Variants in ALS2CL observed in about 807,000 individuals in gnomAD.
The protein encoded by ALS2CL is ALS2 C-terminal like.
ALS2CL carries 112 observed loss-of-function variants against 127.9 expected under a neutral mutation model. That is an observed-to-expected ratio of 0.88 (90% confidence interval 0.75 to 1.02). ALS2CL has a LOEUF of 1.02. Ranked by LOEUF, ALS2CL falls within the 50% of genes least tolerant of loss-of-function variation. The pLI is 0.00. For missense variants in ALS2CL, 1,174 were observed against 1,236.7 expected, an observed-to-expected ratio of 0.95 and a Z score of 0.76; for synonymous variants, 519 against 527.6, an observed-to-expected ratio of 0.98 and a Z score of 0.22.
At chr3:46,673,414 C>T in intron 21 of ALS2CL, 33 bp from the exon 22 acceptor site, 1 of 1,552,766 alleles carries the variant, frequency 6.4e-7, no homozygotes, top group Non-Finnish European at 8.7e-7. Flanking sequence ...GGAGGCTCTG[C>T]CTCGACAAGG....
At chr3:46,685,104 C>T (rs1273671510) in intron 7 of ALS2CL, among the ~76,000 whole-genome samples, 1 of 152,192 alleles carries the variant, frequency 6.6e-6, no homozygotes, top group East Asian at 1.9e-4. Context: ...TCTCTAGAAG[C>T]CTTCTCATCC....
chr3:46,688,216 C>T lies in ALS2CL; in HGVS notation c.184G>A (p.Glu62Lys). Residue 62 changes from glutamate (E) to lysine (K), a missense_variant, in exon 3 of 26, where the codon GAG becomes AAG. By Grantham distance (56) the Glu-to-Lys change is moderately conservative. Coordinates refer to ENST00000318962, the MANE Select transcript of ALS2CL (RefSeq NM_147129.5). ...GAGTGCAGGCTTTCCTCCGTCACCT[C>T]CCAGAGTTGCTGGGAGCTCTTGTGC... ...QLHKSSQQLW[E>K]VTEESLHSLQ... The T allele has an allele frequency of 6.2e-7, 1 of 1,613,080 alleles. No individual in the cohort carries two copies. The highest frequency in any genetic ancestry group is 8.5e-7 in the Non-Finnish European group (1 of 1,180,012).
intron 1 of ALS2CL, among the ~76,000 whole-genome samples, chr3:46,691,372 G>A (rs758408103): frequency 1.3e-5 from 2 of 152,224 alleles, no homozygotes; most frequent in East Asian, 3.9e-4. Context: ...ATCAGTGCAC[G>A]TTGAAAAGAT....
chr3:46,675,385 T>C (rs971332461), intron 20 of ALS2CL: 2 of 531,928 alleles, frequency 3.8e-6, no homozygotes, highest in African/African-American at 3.8e-5. Flanking sequence ...GGATCATACA[T>C]TTAGAACAAA....
intron 7 of ALS2CL, among the ~76,000 whole-genome samples, chr3:46,684,992 A>G (rs1167165320): frequency 2.0e-5 from 3 of 152,092 alleles, no homozygotes; most frequent in African/African-American, 7.2e-5. Flanking sequence ...TGGATGAACC[A>G]CAGTTGGTGA....
rs371656248 is a variant in ALS2CL at position 46,679,261 on chromosome 3, G to A, written c.1575C>T (p.Asp525=). The change falls in exon 15 of 26, where the codon GAC becomes GAT. Residue 525 remains aspartate (D), a synonymous_variant. Transcript: ENST00000318962. ...TGAAGGTGCCCTCATACAGGGAGTC[G>A]TCTTCAGAGAGGAGGATGCCCGGGC... ...TVGPGILLSE[D]DSLYEGTFTR... The A allele has an allele frequency of 2.5e-5, 39 of 1,589,044 alleles. No individual in the cohort carries two copies. Among genetic ancestry groups the A allele is most frequent in the Middle Eastern group, 1.7e-4 (1 of 6,000 alleles).
chr3:46,676,466 C>T (rs1159381224), intron 18 of ALS2CL, 64 bp from the exon 19 acceptor site: 39 of 1,603,090 alleles, frequency 2.4e-5, no homozygotes, highest in Non-Finnish European at 3.2e-5. Flanking sequence ...AGCATGCCCA[C>T]ACCAGCCTCC....
Position 46,681,055 on chromosome 3 carries a change from G to A in ALS2CL, c.1436+191C>T, listed in dbSNP as rs537538809. Reference sequence around the variant, plus strand: ...ATGAGGAGGGGTGAGGGGCGGGGGCGACCCTGCAGTCAGCGTGACCAAGAT... The same window carrying A: ...ATGAGGAGGGGTGAGGGGCGGGGGCAACCCTGCAGTCAGCGTGACCAAGAT... On this transcript the variant is annotated intron_variant, in intron 13 of 25. Coordinates refer to ENST00000318962, the MANE Select transcript of ALS2CL (RefSeq NM_147129.5). This position sits in a 1 kb window ranked among gnomAD's most constrained non-coding sequence, Gnocchi z 4.9. 250 of 897,510 alleles carry A rather than the reference G, an allele frequency of 2.8e-4. 2 individuals are homozygous for A. The South Asian group carries it at 3.5e-3, about 13-fold the overall frequency. The allele number at this position is 897,510 out of a possible 1,614,324, so 55.6% of individuals were successfully genotyped here. A position where few individuals can be genotyped will look rare whatever the true frequency, so the allele number is the denominator to read the frequency against.
chr3:46,671,834 G>C (rs753898140), intron 24 of ALS2CL, 50 bp downstream of exon 24: 2 of 1,607,328 alleles, frequency 1.2e-6, no homozygotes, highest in Non-Finnish European at 1.7e-6. Context: ...ATCGTGGTTG[G>C]GGGTGGGACC....
rs750323327 is a variant in ALS2CL, at chr3:46,687,127, C to T, written c.390G>A (p.Arg130=). 2 of 1,527,724 alleles carry T rather than the reference C, an allele frequency of 1.3e-6. No homozygotes were observed. The highest frequency in any genetic ancestry group is 2.5e-5 in the South Asian group (2 of 80,098). 94.6% of individuals were successfully genotyped at this position (1,527,724 alleles called of 1,614,324 possible). The change falls in exon 5 of 26, where the codon CGG becomes CGA. Residue 130 remains arginine, a synonymous_variant. Transcript: ENST00000318962. ...KRRSEYWRGQ[R]KALRQLLSGV... ...CTGAAAGCAGCTGCCGCAGCGCCTT[C>T]CGCTGGCCCCGCCAGTACTCGCTGC...
At chr3:46,671,099 C>T in intron 25 of ALS2CL, 35 bp from the exon 26 acceptor site, 1 of 1,587,888 alleles carries the variant, frequency 6.3e-7, no homozygotes, top group Non-Finnish European at 8.6e-7. Context: ...GGCCAGTTGA[C>T]CTGCCTGATC....
chr3:46,683,051 A>G (rs1376291560), intron 10 of ALS2CL, 79 bp downstream of exon 10: 11 of 1,385,474 alleles, frequency 7.9e-6, no homozygotes, highest in Non-Finnish European at 1.1e-5. Context: ...GTCCTGAGAC[A>G]ATTAGGCTTG....
At chr3:46,675,236 G>A in intron 20 of ALS2CL, 1 of 227,714 alleles carries the variant, frequency 4.4e-6, no homozygotes, top group South Asian at 1.0e-4. Context: ...AGGGACTGGG[G>A]GAAACAAATT....
At chr3:46,676,463 C>T in intron 18 of ALS2CL, 61 bp from the exon 19 acceptor site, 1 of 1,604,094 alleles carries the variant, frequency 6.2e-7, no homozygotes, top group South Asian at 1.1e-5. Flanking sequence ...CACAGCATGC[C>T]CACACCAGCC....
intron 19 of ALS2CL, chr3:46,676,018 A>G (rs1340698903): frequency 7.1e-7 from 1 of 1,415,812 alleles, no homozygotes. Context: ...GAGTCAGCCC[A>G]GCGCCTGGTT....
intron 25 of ALS2CL, among the ~76,000 whole-genome samples, 189 bp from the exon 26 acceptor site, chr3:46,671,253 G>A (rs1698360750): frequency 6.6e-6 from 1 of 152,170 alleles, no homozygotes; most frequent in Non-Finnish European, 1.5e-5. Context: ...TGGGAATGCA[G>A]CATGGAGCAA....
chr3:46,687,544 G>A (rs1699879547), intron 4 of ALS2CL, 75 bp downstream of exon 4: 1 of 1,528,462 alleles, frequency 6.5e-7, no homozygotes, highest in Non-Finnish European at 8.9e-7. Flanking sequence ...GCTCTGGGGA[G>A]GGGGCTTCCC....
intron 2 of ALS2CL, 116 bp downstream of exon 2, chr3:46,689,222 C>G: frequency 9.5e-7 from 1 of 1,054,788 alleles, no homozygotes; most frequent in Non-Finnish European, 1.4e-6. Flanking sequence ...CCAGGTGTCA[C>G]CACTCCTATT....
intron 4 of ALS2CL, 22 bp from the exon 5 acceptor site, chr3:46,687,170 C>A: frequency 6.6e-7 from 1 of 1,510,460 alleles, no homozygotes. Context: ...GAGGGCCACG[C>A]ACCACCTTCA....
Sources: gnomAD v4.1 joint callset for allele counts (sites outside exome capture counted in the v4.1 genomes callset) on GRCh38, gnomAD v4.1.1 for gene constraint, Gnocchi (gnomAD v3.1) non-coding constraint, MANE v1.5 for transcripts, NCBI Gene and HGNC (gene_info 2026-07-23, HGNC 2026-07-21) for gene names.